Variants in TTK observed in about 807,000 individuals in gnomAD.
TTK encodes dual specificity protein kinase TTK.
A neutral mutation model predicts 117.3 loss-of-function variants in TTK; 59 were observed. That is an observed-to-expected ratio of 0.50 (90% CI 0.41 to 0.62). The LOEUF (loss-of-function observed/expected upper bound fraction) is 0.62, where lower values mean the gene tolerates loss of function less well. TTK is among the 20% of genes least tolerant of loss of function. The pLI is 0.00. For missense variants in TTK, 921 were observed against 989.4 expected, an observed-to-expected ratio of 0.93 and a Z score of 0.93; for synonymous variants, 302 against 325.0, an observed-to-expected ratio of 0.93 and a Z score of 0.76.
chr6:80,019,280 C>CA (rs1171208390), intron 10 of TTK, among the ~76,000 whole-genome samples: 1 of 151,820 alleles, frequency 6.6e-6, no homozygotes, highest in African/African-American at 2.4e-5. Context: ...TACTCAGAGG[C>CA]AAAAAAGACA....
intron 12 of TTK, among the ~76,000 whole-genome samples, chr6:80,027,122 G>A (rs914019233): frequency 1.3e-5 from 2 of 152,080 alleles, no homozygotes; most frequent in Non-Finnish European, 2.9e-5. Context: ...ACCATCAACC[G>A]GTGGCTATAT....
intron 18 of TTK, among the ~76,000 whole-genome samples, chr6:80,039,227 G>A (rs913133364): frequency 1.3e-5 from 2 of 151,918 alleles, no homozygotes; most frequent in Non-Finnish European, 2.9e-5. Flanking sequence ...CACAAGCTCC[G>A]CATAGTTCTA....
Position 80,005,962 on chromosome 6 carries a change from A to G in TTK, c.119A>G (p.Lys40Arg). Residue 40 changes from lysine to arginine, a missense_variant, in exon 2 of 22, where the codon AAA (lysine) becomes AGA (arginine). Lys to Arg is a conservative substitution (Grantham distance 26). Transcript: ENST00000369798. The stretch of plus-strand genomic sequence containing the variant: ...CTTACTGATGAACTAAGCTTGAATA[A>G]AATTTCTGCTGATACTACAGGTGAG... Reference protein sequence around the residue: ...EDLTDELSLNKISADTTDNSG... With the variant: ...EDLTDELSLNRISADTTDNSG... 6.2e-7 allele frequency: 1 copy of G among 1,608,072 alleles called. No individual in the cohort carries two copies.
At chr6:80,018,877 A>C (rs1457980331) in intron 10 of TTK, among the ~76,000 whole-genome samples, 3 of 152,092 alleles carry the variant, frequency 2.0e-5, no homozygotes, top group Admixed American at 6.6e-5. Context: ...TACTGAGGCT[A>C]CTAATAATAG....
At chr6:80,018,314 T>C (rs1412247179) in intron 10 of TTK, among the ~76,000 whole-genome samples, 1 of 152,128 alleles carries the variant, frequency 6.6e-6, no homozygotes, top group Non-Finnish European at 1.5e-5. Flanking sequence ...TACACAGTTA[T>C]GTTTGAAAAT....
chr6:80,013,094 C>T (rs747648803), intron 8 of TTK, among the ~76,000 whole-genome samples, 185 bp from the exon 9 acceptor site: 91 of 151,908 alleles, frequency 6.0e-4, no homozygotes, highest in African/African-American at 1.9e-3. Context: ...TTGCCCAGCA[C>T]GTAATTTTGT....
chr6:80,037,367 A>T (rs541046731), intron 17 of TTK, among the ~76,000 whole-genome samples: 39 of 152,136 alleles, frequency 2.6e-4, no homozygotes, highest in Non-Finnish European at 3.4e-4. Flanking sequence ...AAGGCCCTAA[A>T]GTAGATATAT....
chr6:80,013,552 C>T, intron 9 of TTK, 186 bp downstream of exon 9: 1 of 464,124 alleles, frequency 2.2e-6, no homozygotes, highest in Non-Finnish European at 3.8e-6. Flanking sequence ...CTATGTTTCT[C>T]CAAGATTAAG....
chr6:80,013,776 G>T (rs1292995397), intron 9 of TTK, among the ~76,000 whole-genome samples: 1 of 151,926 alleles, frequency 6.6e-6, no homozygotes, highest in Non-Finnish European at 1.5e-5. Flanking sequence ...CAGAGGTGAG[G>T]ACATAAATAA....
intron 9 of TTK, chr6:80,013,596 A>G (rs1036783346): frequency 3.7e-5 from 13 of 349,122 alleles, no homozygotes; most frequent in Non-Finnish European, 6.6e-5. Context: ...CTTTTAAGAG[A>G]ATCATGAAGT....
intron 10 of TTK, among the ~76,000 whole-genome samples, chr6:80,016,349 T>C (rs1185314663): frequency 6.6e-6 from 1 of 152,204 alleles, no homozygotes; most frequent in Non-Finnish European, 1.5e-5. Flanking sequence ...TTGCTCCTGC[T>C]CCTGTTCTTT....
chr6:80,013,544 A>C (rs767396822), intron 9 of TTK, 178 bp downstream of exon 9: 2 of 482,358 alleles, frequency 4.1e-6, no homozygotes, highest in Non-Finnish European at 3.6e-6. Context: ...GTCCTAGACT[A>C]TGTTTCTCCA....
intron 10 of TTK, among the ~76,000 whole-genome samples, chr6:80,018,723 A>T (rs960480808): frequency 2.0e-5 from 3 of 151,978 alleles, no homozygotes; most frequent in Non-Finnish European, 2.9e-5. Context: ...CCTCCAGTAT[A>T]ACAGTGAATA....
intron 2 of TTK, 28 bp from the exon 3 acceptor site, chr6:80,007,781 T>C: frequency 6.4e-7 from 1 of 1,561,030 alleles, no homozygotes; most frequent in Non-Finnish European, 8.7e-7. Context: ...TGTCTTTTCT[T>C]GTGATATATT....
intron 2 of TTK, among the ~76,000 whole-genome samples, chr6:80,007,188 T>C (rs1358032998): frequency 6.6e-6 from 1 of 152,106 alleles, no homozygotes; most frequent in Non-Finnish European, 1.5e-5. Context: ...CCACGGTAAC[T>C]ATGAGTTTGT....
At chr6:80,037,865 T>TATAATA (rs3049175) in intron 17 of TTK, 102 bp from the exon 18 acceptor site, 174 of 411,038 alleles carry the variant, frequency 4.2e-4, no homozygotes, top group African/African-American at 2.5e-3. Flanking sequence ...AAACTTAAAG[T>TATAATA]ATAATAATAA....
Position 80,026,647 on chromosome 6 carries a change from C to A in TTK, c.1394+133C>A. The A allele has an allele frequency of 3.1e-6, 4 of 1,300,062 alleles. No homozygotes were observed. In the South Asian group the frequency reaches 5.6e-5, roughly 18 times the overall value. The allele number at this position is 1,300,062 out of a possible 1,614,324, so 80.5% of individuals were successfully genotyped here. A position where few individuals can be genotyped will look rare whatever the true frequency, so the allele number is the denominator to read the frequency against. On this transcript the variant is annotated intron_variant, in intron 12 of 21. Coordinates refer to ENST00000369798, the MANE Select transcript of TTK (RefSeq NM_003318.5). ...ACTTTCCATCTTCATATTATTTTTT[C>A]AGCATCAGTGTTTTCATCTATAAAA...
At chr6:80,008,514 C>A in intron 4 of TTK, 22 bp downstream of exon 4, 1 of 1,581,412 alleles carries the variant, frequency 6.3e-7, no homozygotes, top group Non-Finnish European at 8.6e-7. Context: ...ATGTCAAATT[C>A]AAATTTTAAG....
Position 80,035,355 on chromosome 6 carries a change from C to T in TTK, c.1862C>T (p.Pro621Leu), listed in dbSNP as rs767420588. Residue 621 changes from proline (P) to leucine (L), a missense_variant, in exon 16 of 22, where the codon CCA becomes CTA. Coordinates refer to ENST00000369798, the MANE Select transcript of TTK (RefSeq NM_003318.5). ...CTTAAAAAGAAAAAATCCATTGATCCATGGGAACGCAAGAGTTACTGGAAA... is the reference window on the plus strand; with the variant it reads ...CTTAAAAAGAAAAAATCCATTGATCTATGGGAACGCAAGAGTTACTGGAAA... ...SWLKKKKSID[P>L]WERKSYWKNM... The T allele has an allele frequency of 1.3e-5, 21 of 1,612,258 alleles. No individual in the cohort carries two copies. Among genetic ancestry groups the T allele is most frequent in the African/African-American group, 4.0e-5 (3 of 74,778 alleles).
Sources: gnomAD v4.1 joint callset for allele counts (sites outside exome capture counted in the v4.1 genomes callset) on GRCh38, gnomAD v4.1.1 for gene constraint, MANE v1.5 for transcripts, NCBI Gene and HGNC (gene_info 2026-07-23, HGNC 2026-07-21) for gene names.